SDK1: variants seen among roughly 807,000 people sequenced by gnomAD.
SDK1 encodes protein sidekick-1.
SDK1 carries 157 observed loss-of-function variants against 245.5 expected under a neutral mutation model. The ratio of observed to expected loss-of-function variants is 0.64; its 90% CI spans 0.56 to 0.73. SDK1 has a LOEUF of 0.73. SDK1 is among the 30% of genes least tolerant of loss of function. The probability of loss-of-function intolerance (pLI) is 0.00; values close to 1 mark genes in which losing one functional copy is unlikely to be tolerated. For missense variants in SDK1, 3,583 were observed against 3,002.3 expected, an observed-to-expected ratio of 1.19 and a Z score of -4.52; for synonymous variants, 1,647 against 1,278.5, an observed-to-expected ratio of 1.29 and a Z score of -6.15.
chr7:3,886,882 C>T (rs1781350885), intron 5 of SDK1, among the ~76,000 whole-genome samples: 1 of 152,172 alleles, frequency 6.6e-6, no homozygotes. Context: ...CACTACTGCA[C>T]ACCAACCTGG....
chr7:4,259,209 T>C (rs990405634), intron 44 of SDK1, among the ~76,000 whole-genome samples: 2 of 152,038 alleles, frequency 1.3e-5, no homozygotes, highest in African/African-American at 4.8e-5. Context: ...GAGGCCGAGG[T>C]GGGCAAATCA....
chr7:4,153,134 GT>G (rs1429160485), intron 30 of SDK1, among the ~76,000 whole-genome samples: 1 of 152,100 alleles, frequency 6.6e-6, no homozygotes, highest in African/African-American at 2.4e-5. Flanking sequence ...AGGTGCGGGG[GT>G]TCCAAACAGA....
intron 4 of SDK1, among the ~76,000 whole-genome samples, chr7:3,760,461 A>G (rs757802350): frequency 6.6e-6 from 1 of 152,184 alleles, no homozygotes; most frequent in African/African-American, 2.4e-5. Context: ...AATGTATGTT[A>G]TTATTGTTCA....
At chr7:3,503,323 C>T (rs767840127) in intron 1 of SDK1, among the ~76,000 whole-genome samples, 17 of 152,156 alleles carry the variant, frequency 1.1e-4, no homozygotes, top group Non-Finnish European at 1.8e-4. Context: ...GATACATTTT[C>T]AGCTAATGAT....
intron 5 of SDK1, among the ~76,000 whole-genome samples, chr7:3,858,142 T>C (rs986205322): frequency 4.6e-5 from 7 of 152,186 alleles, no homozygotes; most frequent in Non-Finnish European, 1.0e-4. Context: ...TAGTTAAGGA[T>C]AATGAGGTAA....
At chr7:4,240,577 GT>G (rs1320321389) in intron 42 of SDK1, among the ~76,000 whole-genome samples, 1 of 152,164 alleles carries the variant, frequency 6.6e-6, no homozygotes, top group African/African-American at 2.4e-5. Context: ...GGGGGGCCAG[GT>G]CCCAGCAGAG....
intron 5 of SDK1, among the ~76,000 whole-genome samples, chr7:3,928,149 G>A (rs1489761999): frequency 6.6e-6 from 1 of 152,252 alleles, no homozygotes; most frequent in Non-Finnish European, 1.5e-5. Context: ...AAAAGGTATA[G>A]GAAAATTAAT....
At chr7:3,770,438 A>C (rs745536674) in intron 4 of SDK1, among the ~76,000 whole-genome samples, 41 of 152,308 alleles carry the variant, frequency 2.7e-4, no homozygotes, top group Middle Eastern at 3.4e-3. Context: ...CATAAACATA[A>C]GTTTTCATTT....
At chr7:3,374,121 T>G (rs1348922622) in intron 1 of SDK1, among the ~76,000 whole-genome samples, 1 of 152,138 alleles carries the variant, frequency 6.6e-6, no homozygotes, top group African/African-American at 2.4e-5. Flanking sequence ...ATTGGAGCAA[T>G]GGAAGTCTTG....
chr7:3,587,496 G>A (rs1364685683), intron 1 of SDK1, among the ~76,000 whole-genome samples: 3 of 152,150 alleles, frequency 2.0e-5, no homozygotes, highest in African/African-American at 7.2e-5. Context: ...AAAGGCCTAA[G>A]AACCAGGAGT....
intron 1 of SDK1, among the ~76,000 whole-genome samples, chr7:3,429,537 A>G (rs1328711279): frequency 6.6e-6 from 1 of 151,768 alleles, no homozygotes; most frequent in African/African-American, 2.4e-5. Context: ...GGACCTTGGA[A>G]TGTAATTTTC....
Position 3,494,906 on chromosome 7 carries a change from CCTT to C in SDK1, c.299-124171_299-124169del, listed in dbSNP as rs1562521473. On this transcript the variant is annotated intron_variant, in intron 1 of 44. Transcript: ENST00000404826. ...TGCTCCCATGGTTTCAAATGTGTCTCCTTCTCTCTATCTGCAACCATGACCTCC... is the reference window on the plus strand; with the variant it reads ...TGCTCCCATGGTTTCAAATGTGTCTCCTCTCTATCTGCAACCATGACCTCC... 2.6e-5 allele frequency among the ~76,000 whole-genome samples: 4 copies of C among 152,300 alleles called. 1 individual carries two copies. Among genetic ancestry groups the C allele is most frequent in the South Asian group, 4.2e-4 (2 of 4,814 alleles).
chr7:3,674,555 G>A (rs376104884), intron 4 of SDK1, among the ~76,000 whole-genome samples: 10 of 152,190 alleles, frequency 6.6e-5, no homozygotes, highest in African/African-American at 2.4e-4. Context: ...GTAGTGTGGA[G>A]TAAGAGCTGT....
At chr7:3,515,044 G>C (rs1353087896) in intron 1 of SDK1, among the ~76,000 whole-genome samples, 1 of 152,126 alleles carries the variant, frequency 6.6e-6, no homozygotes, top group East Asian at 1.9e-4. Flanking sequence ...TTTGGCACTA[G>C]AGTTCCCTTG....
At chr7:3,519,144 G>C (rs764037701) in intron 1 of SDK1, among the ~76,000 whole-genome samples, 1 of 152,042 alleles carries the variant, frequency 6.6e-6, no homozygotes, top group Non-Finnish European at 1.5e-5. Flanking sequence ...AGGGTTGAAG[G>C]AAGAGTGGGG....
intron 15 of SDK1, 97 bp downstream of exon 15, chr7:4,011,210 C>T: frequency 1.4e-6 from 2 of 1,441,310 alleles, no homozygotes; most frequent in Non-Finnish European, 1.9e-6. Flanking sequence ...ATCACAGCAA[C>T]CCGCTGGCTT....
At chr7:3,947,252 C>T (rs962682758) in intron 5 of SDK1, among the ~76,000 whole-genome samples, 2 of 152,164 alleles carry the variant, frequency 1.3e-5, no homozygotes, top group African/African-American at 4.8e-5. Flanking sequence ...CACCCTCACC[C>T]CCAATTCTCT....
chr7:3,959,541 T>A (rs1781512157), intron 8 of SDK1, among the ~76,000 whole-genome samples: 1 of 152,216 alleles, frequency 6.6e-6, no homozygotes, highest in African/African-American at 2.4e-5. Context: ...TGATGTACCC[T>A]GTACCCGTTA....
chr7:3,993,756 C>T (rs552871789), intron 14 of SDK1, among the ~76,000 whole-genome samples: 1 of 152,258 alleles, frequency 6.6e-6, no homozygotes, highest in East Asian at 1.9e-4. Context: ...AAAGCTCTCC[C>T]TCTCTCCTGG....
Sources: gnomAD v4.1 joint callset for allele counts (sites outside exome capture counted in the v4.1 genomes callset) on GRCh38, gnomAD v4.1.1 for gene constraint, MANE v1.5 for transcripts, NCBI Gene and HGNC (gene_info 2026-07-23, HGNC 2026-07-21) for gene names.